Variants in CAPZA2 observed in about 807,000 individuals in gnomAD.
The protein encoded by CAPZA2 is capping actin protein of muscle Z-line subunit alpha 2.
A neutral mutation model predicts 44.0 loss-of-function variants in CAPZA2; 13 were observed. That is an observed-to-expected ratio of 0.30 (90% CI 0.19 to 0.47). The LOEUF is 0.47. Ranked by LOEUF, CAPZA2 falls within the 20% of genes least tolerant of loss-of-function variation. CAPZA2 has a pLI of 1.00. For missense variants in CAPZA2, 244 were observed against 338.6 expected, an observed-to-expected ratio of 0.72 and a Z score of 2.19; for synonymous variants, 94 against 108.2, an observed-to-expected ratio of 0.87 and a Z score of 0.81.
chr7:116,912,240 C>G (rs935409123), intron 8 of CAPZA2, 100 bp downstream of exon 8: 1 of 1,519,758 alleles, frequency 6.6e-7, no homozygotes, highest in Admixed American at 2.1e-5. Context: ...CTTCAGATTA[C>G]CGTGTTTTCT....
chr7:116,885,356 A>G (rs1796750164), intron 1 of CAPZA2, among the ~76,000 whole-genome samples: 1 of 151,598 alleles, frequency 6.6e-6, no homozygotes, highest in Admixed American at 6.6e-5. Flanking sequence ...CCCACTCAGC[A>G]CAACAATCAA....
chr7:116,901,480 G>A (rs1184152791), intron 4 of CAPZA2, among the ~76,000 whole-genome samples: 1 of 152,038 alleles, frequency 6.6e-6, no homozygotes, highest in African/African-American at 2.4e-5. Flanking sequence ...ATGACACATA[G>A]AGGGGAACAA....
chr7:116,868,889 A>G (rs1355510813), intron 1 of CAPZA2, among the ~76,000 whole-genome samples: 1 of 152,250 alleles, frequency 6.6e-6, no homozygotes, highest in Non-Finnish European at 1.5e-5. Context: ...GGAACTTGAT[A>G]GCAGCTGTAG....
chr7:116,864,859 C>A (rs1186552408), intron 1 of CAPZA2, among the ~76,000 whole-genome samples: 2 of 151,802 alleles, frequency 1.3e-5, no homozygotes, highest in African/African-American at 4.8e-5. Flanking sequence ...GGTAACATAG[C>A]GAGACCTCAT....
chr7:116,893,762 G>C (rs561613430), intron 3 of CAPZA2, among the ~76,000 whole-genome samples: 1 of 152,224 alleles, frequency 6.6e-6, no homozygotes, highest in South Asian at 2.1e-4. Flanking sequence ...GCCTAACGTA[G>C]TACCTGACAC....
At chr7:116,913,769 A>ATTTTTT (rs10717939) in intron 8 of CAPZA2, among the ~76,000 whole-genome samples, 1 of 87,708 alleles carries the variant, frequency 1.1e-5, no homozygotes. Context: ...CACCCAGCTA[A>ATTTTTT]TTTTTTTTTT....
chr7:116,885,212 GA>G (rs2115911429), intron 1 of CAPZA2, among the ~76,000 whole-genome samples: 1 of 151,670 alleles, frequency 6.6e-6, no homozygotes, highest in South Asian at 2.1e-4. Flanking sequence ...GTCTTCCACA[GA>G]GCAGGTTTTA....
chr7:116,891,574 T>G (rs968760503), intron 2 of CAPZA2, among the ~76,000 whole-genome samples: 5 of 152,164 alleles, frequency 3.3e-5, no homozygotes, highest in Admixed American at 1.3e-4. Context: ...TGCAGTGGCG[T>G]GATCTCGGCT....
intron 7 of CAPZA2, 56 bp downstream of exon 7, chr7:116,910,367 T>A: frequency 2.4e-6 from 2 of 850,492 alleles, no homozygotes; most frequent in Non-Finnish European, 4.0e-6. Context: ...GAGAAACAAC[T>A]AATTCCTAAG....
At chr7:116,890,589 T>G (rs1796830718) in intron 2 of CAPZA2, among the ~76,000 whole-genome samples, 2 of 43,720 alleles carry the variant, frequency 4.6e-5, no homozygotes, top group South Asian at 1.8e-3. Flanking sequence ...TATATATATA[T>G]ATATATATAC....
At chr7:116,904,969 TAAAAAAAAAA>T (rs371485695) in intron 5 of CAPZA2, among the ~76,000 whole-genome samples, 1 of 95,630 alleles carries the variant, frequency 1.0e-5, no homozygotes, top group East Asian at 3.3e-4. Context: ...TGTCTCTACT[TAAAAAAAAAA>T]AAAAAAAAAA....
intron 1 of CAPZA2, among the ~76,000 whole-genome samples, chr7:116,882,016 G>C (rs1253083900): frequency 6.6e-6 from 1 of 152,128 alleles, no homozygotes; most frequent in African/African-American, 2.4e-5. Flanking sequence ...TCACAGAAGT[G>C]ATATGTTCTC....
chr7:116,894,086 G>A (rs1479543664), intron 3 of CAPZA2, among the ~76,000 whole-genome samples: 1 of 152,190 alleles, frequency 6.6e-6, no homozygotes, highest in Non-Finnish European at 1.5e-5. Context: ...ACTGATGGCT[G>A]GGTGCGGTGG....
At chr7:116,901,907 G>GTGTT (rs1797000747) in intron 4 of CAPZA2, among the ~76,000 whole-genome samples, 1 of 151,106 alleles carries the variant, frequency 6.6e-6, no homozygotes, top group Non-Finnish European at 1.5e-5. Flanking sequence ...GTGTGTGTGT[G>GTGTT]TGTGTATGTG....
intron 9 of CAPZA2, among the ~76,000 whole-genome samples, chr7:116,916,354 C>T (rs550817674): frequency 2.0e-5 from 3 of 152,176 alleles, no homozygotes; most frequent in African/African-American, 4.8e-5. Context: ...AGGCCGAGCG[C>T]GGAGGCTCAC....
chr7:116,898,649 TTTTA>T, intron 3 of CAPZA2, 119 bp from the exon 4 acceptor site: 1 of 522,308 alleles, frequency 1.9e-6, no homozygotes. Context: ...AGAATTACAA[TTTTA>T]TTTATTTTGC....
intron 3 of CAPZA2, among the ~76,000 whole-genome samples, chr7:116,896,767 A>G (rs1268914108): frequency 6.6e-6 from 1 of 152,160 alleles, no homozygotes; most frequent in Non-Finnish European, 1.5e-5. Flanking sequence ...ATAAGAGCTC[A>G]GTAAGTATTT....
chr7:116,921,088 G>A lies in CAPZA2; in HGVS notation c.*3221G>A, dbSNP rs546377733. 55 of 152,394 alleles carry A rather than the reference G, an allele frequency of 3.6e-4. No homozygotes were observed. The highest frequency in any genetic ancestry group is 1.3e-3 in the African/African-American group (54 of 41,532). The allele number at this position is 152,394 out of a possible 1,614,324, so 9.4% of individuals were successfully genotyped here. Reference sequence around the variant, plus strand: ...GTAGGGGAACTAGAAAGAATGACCTGGAAATGTAAGAAGTGGGCCGGGCGC... The same window carrying A: ...GTAGGGGAACTAGAAAGAATGACCTAGAAATGTAAGAAGTGGGCCGGGCGC... On this transcript the variant is annotated 3_prime_UTR_variant, in exon 10 of 10. Transcript: ENST00000361183.
chr7:116,869,127 C>T (rs533260006), intron 1 of CAPZA2, among the ~76,000 whole-genome samples: 1 of 152,094 alleles, frequency 6.6e-6, no homozygotes, highest in Non-Finnish European at 1.5e-5. Context: ...GACCTAAAAG[C>T]CTAATCAGTC....
Sources: allele counts gnomAD v4.1 joint callset (sites outside exome capture counted in the v4.1 genomes callset), GRCh38; gene constraint gnomAD v4.1.1; transcripts MANE v1.5; gene names NCBI Gene and HGNC (gene_info 2026-07-23, HGNC 2026-07-21).